RSPO2: variants seen among roughly 807,000 people sequenced by gnomAD.
The protein encoded by RSPO2 is R-spondin-2.
A neutral mutation model predicts 30.9 loss-of-function variants in RSPO2; 14 were observed. That is an observed-to-expected ratio of 0.45 (90% CI 0.30 to 0.71). The LOEUF (loss-of-function observed/expected upper bound fraction) is 0.71, where lower values mean the gene tolerates loss of function less well. RSPO2 is among the 30% of genes least tolerant of loss of function. RSPO2 has a pLI of 0.08. For missense variants in RSPO2, 264 were observed against 301.9 expected (o/e 0.87, Z 0.93); for synonymous variants, 107 against 96.4 (o/e 1.11, Z -0.64).
chr8:107,937,275 G>C (rs931484610), intron 5 of RSPO2, among the ~76,000 whole-genome samples: 8 of 151,494 alleles, frequency 5.3e-5, no homozygotes, highest in African/African-American at 1.9e-4. Flanking sequence ...TATGTTGTTA[G>C]CACTTGTACT....
intron 5 of RSPO2, among the ~76,000 whole-genome samples, chr8:107,929,318 A>G (rs1447022209): frequency 1.3e-5 from 2 of 152,232 alleles, no homozygotes; most frequent in East Asian, 3.9e-4. Context: ...ACAAATGTGT[A>G]GAGGAGATAA....
chr8:107,961,516 C>A (rs1181013427), intron 3 of RSPO2, among the ~76,000 whole-genome samples: 1 of 152,140 alleles, frequency 6.6e-6, no homozygotes, highest in Non-Finnish European at 1.5e-5. Flanking sequence ...AAACCATCTG[C>A]CTTTTAAATC....
chr8:107,928,782 C>T (rs139505515), intron 5 of RSPO2, among the ~76,000 whole-genome samples: 1,548 of 152,192 alleles, frequency 0.01, 28 homozygotes, highest in African/African-American at 0.034. Context: ...ATAGTAGTTC[C>T]TATGAGATAA....
chr8:108,031,254 T>G (rs1295363566), intron 2 of RSPO2, among the ~76,000 whole-genome samples: 1 of 152,200 alleles, frequency 6.6e-6, no homozygotes, highest in Admixed American at 6.5e-5. Context: ...CTTAAAAGAT[T>G]GCAAAGATTT....
At chr8:108,007,208 G>A (rs77018446) in intron 2 of RSPO2, among the ~76,000 whole-genome samples, 1,572 of 152,062 alleles carry the variant, frequency 0.01, 12 homozygotes, top group Non-Finnish European at 0.017. Flanking sequence ...TGCCTCTGTT[G>A]ACACTGAGAT....
intron 2 of RSPO2, among the ~76,000 whole-genome samples, chr8:108,052,311 G>A (rs559264472): frequency 1.5e-4 from 23 of 152,232 alleles, no homozygotes; most frequent in South Asian, 1.0e-3. Context: ...GTAAAAGCTC[G>A]TTCTTGTGAG....
intron 2 of RSPO2, among the ~76,000 whole-genome samples, chr8:108,057,151 C>T (rs1812281488): frequency 7.4e-6 from 1 of 134,726 alleles, no homozygotes; most frequent in Admixed American, 8.0e-5. Flanking sequence ...CTTTTTAATA[C>T]TGAAATGGTT....
At chr8:108,044,904 C>G (rs993021512) in intron 2 of RSPO2, among the ~76,000 whole-genome samples, 1 of 152,092 alleles carries the variant, frequency 6.6e-6, no homozygotes, top group Admixed American at 6.6e-5. Context: ...GACCCCCTAC[C>G]TTTCACCGTA....
rs550279710 is a variant in RSPO2 at position 108,008,039 on chromosome 8, G to A, written c.95-18795C>T. Reference sequence around the variant, plus strand: ...TAGGTTCATACACATAGGCATTCACGTATGCAGTACACACATGCCTGCACA... The same window carrying A: ...TAGGTTCATACACATAGGCATTCACATATGCAGTACACACATGCCTGCACA... On this transcript the variant is annotated intron_variant, in intron 2 of 5. Transcript: ENST00000276659. 1.1e-4 allele frequency among the ~76,000 whole-genome samples: 16 copies of A among 152,232 alleles called. 1 individual carries two copies. The Middle Eastern group carries it at 0.014, about 129-fold the overall frequency.
At chr8:107,914,318 G>A (rs681606) in intron 5 of RSPO2, among the ~76,000 whole-genome samples, 3 of 151,802 alleles carry the variant, frequency 2.0e-5, no homozygotes, top group Non-Finnish European at 2.9e-5. Context: ...CTCAAATACT[G>A]CATTCTGTTT....
chr8:107,941,537 C>G (rs1812896979), intron 5 of RSPO2, among the ~76,000 whole-genome samples: 1 of 152,000 alleles, frequency 6.6e-6, no homozygotes, highest in Non-Finnish European at 1.5e-5. Context: ...TTAAGATAGC[C>G]CCCGGCTAGA....
At chr8:107,921,141 T>C (rs1226803871) in intron 5 of RSPO2, among the ~76,000 whole-genome samples, 1 of 152,086 alleles carries the variant, frequency 6.6e-6, no homozygotes, top group Admixed American at 6.6e-5. Context: ...GTGGGTACAT[T>C]ATACCCTAAA....
intron 2 of RSPO2, among the ~76,000 whole-genome samples, chr8:108,068,540 T>C (rs981788251): frequency 1.3e-5 from 2 of 152,238 alleles, no homozygotes; most frequent in Admixed American, 1.3e-4. Flanking sequence ...GGGTATTTGT[T>C]ATGGGTTGCA....
At chr8:108,043,638 G>T (rs1241729230) in intron 2 of RSPO2, among the ~76,000 whole-genome samples, 1 of 151,838 alleles carries the variant, frequency 6.6e-6, no homozygotes. Context: ...CTCGTCCTGA[G>T]GCATGCCAAC....
chr8:108,078,886 A>G lies in RSPO2; in HGVS notation c.94+3659T>C, dbSNP rs117568378. Among the ~76,000 whole-genome samples the G allele has an allele frequency of 6.1e-3, 922 of 152,322 alleles. 4 individuals are homozygous for G. The highest frequency in any genetic ancestry group is 6.7e-3 in the Non-Finnish European group (457 of 68,022). On this transcript the variant is annotated intron_variant, in intron 2 of 5. Transcript: ENST00000276659. ...GTTTTCATAAATCCCTGGTTAAAAT[A>G]CCACAAGGTATAAAAATAGAATGAG...
intron 5 of RSPO2, among the ~76,000 whole-genome samples, chr8:107,942,717 A>C (rs1812938795): frequency 6.6e-6 from 1 of 152,192 alleles, no homozygotes; most frequent in African/African-American, 2.4e-5. Context: ...CATGGGTAAA[A>C]ATACTTTTGG....
intron 3 of RSPO2, among the ~76,000 whole-genome samples, chr8:107,966,112 T>C (rs1003130013): frequency 4.6e-5 from 7 of 152,100 alleles, no homozygotes; most frequent in African/African-American, 1.7e-4. Context: ...GTTTAGAAGC[T>C]TTGGGTGGGG....
At chr8:108,030,535 C>T (rs534358944) in intron 2 of RSPO2, among the ~76,000 whole-genome samples, 21 of 152,266 alleles carry the variant, frequency 1.4e-4, no homozygotes, top group Admixed American at 1.2e-3. Context: ...GCATGTGATG[C>T]CCAGAAATTA....
chr8:107,984,222 C>G (rs1374039365), intron 3 of RSPO2, among the ~76,000 whole-genome samples: 1 of 152,194 alleles, frequency 6.6e-6, no homozygotes, highest in Non-Finnish European at 1.5e-5. Flanking sequence ...TCTCCTGATC[C>G]AAACCAAATG....
Sources: gnomAD v4.1 joint callset for allele counts (sites outside exome capture counted in the v4.1 genomes callset) on GRCh38, gnomAD v4.1.1 for gene constraint, MANE v1.5 for transcripts, NCBI Gene and HGNC (gene_info 2026-07-23, HGNC 2026-07-21) for gene names.